Variants in NYAP2 observed in about 807,000 individuals in gnomAD.
NYAP2 encodes neuronal tyrosine-phosphorylated phosphoinositide-3-kinase adaptor 2.
NYAP2 carries 23 observed loss-of-function variants against 50.4 expected under a neutral mutation model. The ratio of observed to expected loss-of-function variants is 0.46; its 90% CI spans 0.33 to 0.65. NYAP2 has a LOEUF of 0.65. Among genes scored for constraint, NYAP2 ranks in the 30% least tolerant of loss-of-function variants. The pLI is 0.02. For missense variants in NYAP2, 885 were observed against 861.0 expected (o/e 1.03, Z -0.35); for synonymous variants, 394 against 365.2 (o/e 1.08, Z -0.90).
At chr2:225,464,319 G>A (rs1028923990) in intron 3 of NYAP2, among the ~76,000 whole-genome samples, 2 of 151,998 alleles carry the variant, frequency 1.3e-5, no homozygotes, top group Non-Finnish European at 2.9e-5. Flanking sequence ...TGCAAATATT[G>A]GACACAAGGG....
At chr2:225,476,793 G>T (rs1690115659) in intron 3 of NYAP2, among the ~76,000 whole-genome samples, 2 of 152,038 alleles carry the variant, frequency 1.3e-5, no homozygotes, top group South Asian at 4.1e-4. Flanking sequence ...ATAGACCTAA[G>T]TAACTTTAAG....
chr2:225,498,494 G>A (rs1690545696), intron 3 of NYAP2, among the ~76,000 whole-genome samples: 1 of 152,064 alleles, frequency 6.6e-6, no homozygotes, highest in Non-Finnish European at 1.5e-5. Flanking sequence ...TCCTTACAGA[G>A]GAACTGGACT....
downstream of NYAP2, among the ~76,000 whole-genome samples, chr2:225,656,462 C>T (rs1005375772): frequency 3.9e-5 from 6 of 152,174 alleles, no homozygotes; most frequent in Admixed American, 1.3e-4. Flanking sequence ...CTAACTTCCC[C>T]TTTGCTTGAC....
intron 3 of NYAP2, among the ~76,000 whole-genome samples, chr2:225,483,612 G>A (rs183207927): frequency 7.9e-5 from 12 of 152,254 alleles, no homozygotes; most frequent in African/African-American, 2.6e-4. Flanking sequence ...TAAAATAATA[G>A]CATGAGTAAT....
At chr2:225,423,916 A>G (rs75438100) in intron 3 of NYAP2, among the ~76,000 whole-genome samples, 23,825 of 152,104 alleles carry the variant, frequency 0.16, 3,166 homozygotes, top group African/African-American at 0.37. Context: ...TGCATCATGA[A>G]GGTATTATCA....
chr2:225,530,570 T>C (rs1309896393), intron 4 of NYAP2, among the ~76,000 whole-genome samples: 1 of 152,214 alleles, frequency 6.6e-6, no homozygotes, highest in African/African-American at 2.4e-5. Flanking sequence ...ATTTGTCTCC[T>C]TGAGGGTGTC....
intron 4 of NYAP2, among the ~76,000 whole-genome samples, chr2:225,528,760 C>A (rs1175439934): frequency 6.6e-6 from 1 of 152,154 alleles, no homozygotes; most frequent in Non-Finnish European, 1.5e-5. Context: ...TCTCCAGAAC[C>A]CCTGGATTGT....
intron 3 of NYAP2, among the ~76,000 whole-genome samples, chr2:225,503,223 T>G (rs1402448239): frequency 6.6e-6 from 1 of 152,224 alleles, no homozygotes; most frequent in Non-Finnish European, 1.5e-5. Context: ...TTTCCAGAAC[T>G]TCTCCTCCTC....
the NYAP2 span, among the ~76,000 whole-genome samples, chr2:225,694,724 A>C: frequency 6.6e-6 from 1 of 151,918 alleles, no homozygotes; most frequent in South Asian, 2.1e-4. Context: ...TAAGAAGATT[A>C]TATACTAGAA....
intron 4 of NYAP2, among the ~76,000 whole-genome samples, chr2:225,575,296 A>C (rs1692152295): frequency 6.6e-6 from 1 of 152,192 alleles, no homozygotes; most frequent in African/African-American, 2.4e-5. Flanking sequence ...ACTGAGTACC[A>C]AAACCGGTGT....
At chr2:225,536,872 G>T (rs148910704) in intron 4 of NYAP2, among the ~76,000 whole-genome samples, 1 of 150,970 alleles carries the variant, frequency 6.6e-6, no homozygotes, top group Non-Finnish European at 1.5e-5. Flanking sequence ...TCCGCCTCCC[G>T]GGTTCACGCC....
At chr2:225,464,179 G>A (rs538020626) in intron 3 of NYAP2, among the ~76,000 whole-genome samples, 1 of 152,178 alleles carries the variant, frequency 6.6e-6, no homozygotes, top group Non-Finnish European at 1.5e-5. Context: ...GAGTCTAAAA[G>A]CTAAATGCAG....
chr2:225,486,738 C>T (rs1436935649), intron 3 of NYAP2, among the ~76,000 whole-genome samples: 1 of 152,148 alleles, frequency 6.6e-6, no homozygotes, highest in African/African-American at 2.4e-5. Flanking sequence ...TGGCTGGAGA[C>T]CATGCTCTCT....
chr2:225,582,194 G>A lies in NYAP2; in HGVS notation c.777G>A (p.Glu259=). 1 of 1,614,062 alleles carries A rather than the reference G, an allele frequency of 6.2e-7. No homozygotes were observed. The highest frequency in any genetic ancestry group is 8.5e-7 in the Non-Finnish European group (1 of 1,179,904). ...ACATTCTCAGAGACTTCAGGAAGGA[G>A]GACGATGACCAGAGCGAGGCCGTCT... The change falls in exon 5 of 7, where the codon GAG becomes GAA. Residue 259 remains glutamate (E), a synonymous_variant. Coordinates refer to ENST00000636099, the Ensembl canonical transcript of NYAP2. The surrounding 1 kb of genome is among the most constrained non-coding windows in gnomAD (Gnocchi z 7.0).
intron 5 of NYAP2, among the ~76,000 whole-genome samples, chr2:225,592,234 G>A (rs1305069835): frequency 6.6e-6 from 1 of 152,192 alleles, no homozygotes; most frequent in African/African-American, 2.4e-5. Flanking sequence ...CTGGGATACA[G>A]GGCTTTTGTT....
intron 3 of NYAP2, 127 bp downstream of exon 3, chr2:225,409,228 A>G: frequency 1.5e-6 from 1 of 650,830 alleles, no homozygotes; most frequent in South Asian, 2.0e-5. Flanking sequence ...GTGAGAGCAT[A>G]TGAAAGCGAC....
intron 6 of NYAP2, 59 bp from the exon 7 acceptor site, chr2:225,651,373 C>T: frequency 1.2e-6 from 2 of 1,605,926 alleles, no homozygotes; most frequent in South Asian, 2.2e-5. Flanking sequence ...ACTGAAAAGC[C>T]ACTTCATTAT....
At chr2:225,513,047 A>G (rs1312898174) in intron 3 of NYAP2, among the ~76,000 whole-genome samples, 2 of 152,148 alleles carry the variant, frequency 1.3e-5, no homozygotes, top group African/African-American at 4.8e-5. Flanking sequence ...ACTAGGACTG[A>G]ATTGCACGTC....
chr2:225,561,892 T>TA (rs1206679560), intron 4 of NYAP2, among the ~76,000 whole-genome samples: 12 of 148,726 alleles, frequency 8.1e-5, no homozygotes, highest in South Asian at 2.1e-4. Context: ...GGGCTATATA[T>TA]TTTTTTTTTC....
Sources: allele counts gnomAD v4.1 joint callset (sites outside exome capture counted in the v4.1 genomes callset), GRCh38; gene constraint gnomAD v4.1.1; non-coding constraint Gnocchi (gnomAD v3.1); transcripts MANE v1.5; gene names NCBI Gene and HGNC (gene_info 2026-07-23, HGNC 2026-07-21).